Variants in RAPGEF1 observed in about 807,000 individuals in gnomAD.
RAPGEF1 encodes the protein CRK SH3-binding GNRP.
A neutral mutation model predicts 143.3 loss-of-function variants in RAPGEF1; 33 were observed. The ratio of observed to expected loss-of-function variants is 0.23; its 90% CI spans 0.17 to 0.31. The LOEUF is 0.31. RAPGEF1 is among the 10% of genes least tolerant of loss of function. RAPGEF1 has a pLI of 1.00. For missense variants in RAPGEF1, 1,199 were observed against 1,645.4 expected, an observed-to-expected ratio of 0.73 and a Z score of 4.69; for synonymous variants, 629 against 676.5, an observed-to-expected ratio of 0.93 and a Z score of 1.09.
chr9:131,636,518 A>G (rs1564590009), intron 5 of RAPGEF1, among the ~76,000 whole-genome samples: 1 of 152,170 alleles, frequency 6.6e-6, no homozygotes, highest in Non-Finnish European at 1.5e-5. Context: ...TAATGACTCC[A>G]TAGAGGAAAT....
chr9:131,579,514 G>C lies in RAPGEF1; in HGVS notation c.3775C>G (p.Arg1259Gly). The C allele has an allele frequency of 1.9e-6, 3 of 1,613,944 alleles. No individual in the cohort carries two copies. Among genetic ancestry groups the C allele is most frequent in the Non-Finnish European group, 2.5e-6 (3 of 1,179,850 alleles). Reference protein sequence around the residue: ...PRNITRRKTDREEKT With the variant: ...PRNITRRKTDGEEKT Reference sequence around the variant, plus strand: ...GTCTGCTCCTAGGTCTTCTCTTCCCGGTCTGTTTTTCTCCTTGTTATGTTC... The same window carrying C: ...GTCTGCTCCTAGGTCTTCTCTTCCCCGTCTGTTTTTCTCCTTGTTATGTTC... The change falls in exon 27 of 27, where the codon CGG becomes GGG. Residue 1259 changes from arginine to glycine, a missense_variant. Coordinates refer to ENST00000683357, the MANE Select transcript of RAPGEF1 (RefSeq NM_001377935.1).
chr9:131,729,307 C>A (rs1255717969), intron 1 of RAPGEF1, among the ~76,000 whole-genome samples: 1 of 135,876 alleles, frequency 7.4e-6, no homozygotes, highest in African/African-American at 2.7e-5. Flanking sequence ...CCCTCTCCTC[C>A]CCTGGCAGGC....
At chr9:131,622,079 G>A in intron 10 of RAPGEF1, 81 bp from the exon 11 acceptor site, 1 of 1,348,878 alleles carries the variant, frequency 7.4e-7, no homozygotes, top group Non-Finnish European at 1.0e-6. Flanking sequence ...TCCCACAGCA[G>A]CTAGGGGGCT....
intron 12 of RAPGEF1, among the ~76,000 whole-genome samples, chr9:131,614,805 T>C (rs937889415): frequency 2.6e-5 from 4 of 151,916 alleles, no homozygotes; most frequent in Non-Finnish European, 5.9e-5. Context: ...GTCCTCAAGA[T>C]GATACACACT....
chr9:131,716,030 C>G (rs1052127658), intron 1 of RAPGEF1, among the ~76,000 whole-genome samples: 2 of 152,164 alleles, frequency 1.3e-5, no homozygotes, highest in African/African-American at 4.8e-5. Flanking sequence ...CCCGCCGACC[C>G]ACGTCTGCAG....
intron 1 of RAPGEF1, among the ~76,000 whole-genome samples, chr9:131,684,904 A>ACTG (rs1349974770): frequency 2.0e-5 from 3 of 152,180 alleles, no homozygotes; most frequent in Non-Finnish European, 4.4e-5. Context: ...GAGGACCCCA[A>ACTG]CTGTCATGAG....
intron 1 of RAPGEF1, among the ~76,000 whole-genome samples, chr9:131,732,431 T>C (rs1034628729): frequency 3.0e-4 from 45 of 152,122 alleles, no homozygotes; most frequent in Admixed American, 2.1e-3. Context: ...TCAAAGAACA[T>C]GCACTCAAGT....
intron 1 of RAPGEF1, among the ~76,000 whole-genome samples, chr9:131,694,222 G>T (rs994849013): frequency 1.3e-5 from 2 of 152,188 alleles, no homozygotes; most frequent in Non-Finnish European, 2.9e-5. Flanking sequence ...TACAGGGCAA[G>T]GGCTGGGGGC....
intron 16 of RAPGEF1, among the ~76,000 whole-genome samples, chr9:131,597,240 G>A (rs913391678): frequency 2.0e-5 from 3 of 152,214 alleles, no homozygotes; most frequent in Admixed American, 6.5e-5. Flanking sequence ...TTTACCTCCT[G>A]ACTCCAGAGG....
chr9:131,626,531 A>G, intron 9 of RAPGEF1, 109 bp from the exon 10 acceptor site: 1 of 1,105,730 alleles, frequency 9.0e-7, no homozygotes, highest in Non-Finnish European at 1.3e-6. Flanking sequence ...TGTGACAAAG[A>G]CCTGTCTCCA....
At chr9:131,685,098 T>C (rs772478748) in intron 1 of RAPGEF1, among the ~76,000 whole-genome samples, 22 of 152,218 alleles carry the variant, frequency 1.4e-4, no homozygotes, top group Non-Finnish European at 2.8e-4. Context: ...AGAACAATTA[T>C]ACTTACTGGA....
At chr9:131,712,190 C>A (rs1835556305) in intron 1 of RAPGEF1, among the ~76,000 whole-genome samples, 1 of 152,198 alleles carries the variant, frequency 6.6e-6, no homozygotes, top group South Asian at 2.1e-4. Context: ...CCAGATTAAA[C>A]TGCAGCCACA....
chr9:131,657,158 T>C (rs941317866), intron 1 of RAPGEF1, among the ~76,000 whole-genome samples: 2 of 152,038 alleles, frequency 1.3e-5, no homozygotes, highest in South Asian at 2.1e-4. Context: ...TGCTTTGCGA[T>C]AGCAGGGTGG....
rs1246941003 is a variant in RAPGEF1 at position 131,667,849 on chromosome 9, C to G, written c.62-16900G>C. On this transcript the variant is annotated intron_variant, in intron 1 of 26. Coordinates refer to ENST00000683357, the MANE Select transcript of RAPGEF1 (RefSeq NM_001377935.1). This position sits in a 1 kb window ranked among gnomAD's most constrained non-coding sequence, Gnocchi z 4.6. ...GTAAAATGGGAGTAGTGATCTTTACCTCACTGGGCCGTTGGGAGGATGTCA... is the reference window on the plus strand; with the variant it reads ...GTAAAATGGGAGTAGTGATCTTTACGTCACTGGGCCGTTGGGAGGATGTCA... Among the ~76,000 whole-genome samples, 1 of 152,166 alleles carries G rather than the reference C, an allele frequency of 6.6e-6. No individual in the cohort carries two copies. The highest frequency in any genetic ancestry group is 2.4e-5 in the African/African-American group (1 of 41,432).
intron 22 of RAPGEF1, 146 bp downstream of exon 22, chr9:131,587,590 T>A: frequency 1.3e-6 from 1 of 748,632 alleles, no homozygotes; most frequent in Non-Finnish European, 2.2e-6. Flanking sequence ...AGCCTGTCAG[T>A]GCTCATGGGA....
chr9:131,714,417 G>C (rs1355453624), intron 1 of RAPGEF1, among the ~76,000 whole-genome samples: 1 of 151,682 alleles, frequency 6.6e-6, no homozygotes, highest in African/African-American at 2.4e-5. Context: ...CAGAACCAAA[G>C]AAACAGAGGC....
rs1956697423 is a variant in RAPGEF1 at position 131,603,975 on chromosome 9, C to T, written c.2398G>A (p.Ala800Thr). 2 of 1,329,214 alleles carry T rather than the reference C, an allele frequency of 1.5e-6. No homozygotes were observed. The highest frequency in any genetic ancestry group is 2.0e-6 in the Non-Finnish European group (2 of 1,001,372). The allele number at this position is 1,329,214 out of a possible 1,614,324, so 82.3% of individuals were successfully genotyped here. ...YSSGQSSEELAPSRGEPPAGK... is the reference protein window; with the variant it reads ...YSSGQSSEELTPSRGEPPAGK... The stretch of plus-strand genomic sequence containing the variant: ...AGGTTACTTACTCCTCGAGAGGGAG[C>T]CAGCTCCTCGCTGCTCTGGCCAGAG... The change falls in exon 14 of 27, where the codon GCT becomes ACT. Residue 800 changes from alanine to threonine, a missense_variant. Physicochemically the swap from Ala to Thr is moderately conservative, Grantham distance 58. Transcript: ENST00000683357.
Position 131,619,222 on chromosome 9 carries a change from G to A in RAPGEF1, c.1906-16C>T, listed in dbSNP as rs1417431358. ...CACAGGAGGCCTGCTGGACAGAGGG[G>A]AGGAGAGAGAAGGCAGGGAAGGAGG... On this transcript the variant is annotated splice_polypyrimidine_tract_variant and intron_variant, in intron 11 of 26. Coordinates refer to ENST00000683357, the MANE Select transcript of RAPGEF1 (RefSeq NM_001377935.1). 7.7e-7 allele frequency: 1 copy of A among 1,302,284 alleles called. No homozygotes were observed. The highest frequency in any genetic ancestry group is 1.2e-5 in the South Asian group (1 of 81,008). The allele number at this position is 1,302,284 out of a possible 1,614,324, so 80.7% of individuals were successfully genotyped here.
chr9:131,588,559 C>CT (rs1953603165), intron 20 of RAPGEF1, among the ~76,000 whole-genome samples: 1 of 152,208 alleles, frequency 6.6e-6, no homozygotes, highest in South Asian at 2.1e-4. Flanking sequence ...CACTCCTGCC[C>CT]TGTCCTATGA....
Sources: allele counts gnomAD v4.1 joint callset (sites outside exome capture counted in the v4.1 genomes callset), GRCh38; gene constraint gnomAD v4.1.1; non-coding constraint Gnocchi (gnomAD v3.1); transcripts MANE v1.5; gene names NCBI Gene and HGNC (gene_info 2026-07-23, HGNC 2026-07-21).